Variants in GCA observed in about 807,000 individuals in gnomAD.
GCA encodes grancalcin, EF-hand calcium-binding protein.
A neutral mutation model predicts 32.6 loss-of-function variants in GCA; 30 were observed. The ratio of observed to expected loss-of-function variants is 0.92; its 90% CI spans 0.69 to 1.25. The LOEUF is 1.25. GCA is among the 50% of genes most tolerant of loss of function. The pLI, the probability that GCA is intolerant of heterozygous loss-of-function variation, is 0.00. For synonymous variants in GCA, 102 were observed against 84.6 expected (o/e 1.21, Z -1.13); for missense variants, 291 against 266.8 (o/e 1.09, Z -0.63).
At chr2:162,322,359 G>A (rs1041610847) in intron 1 of GCA, among the ~76,000 whole-genome samples, 2 of 151,120 alleles carry the variant, frequency 1.3e-5, no homozygotes, top group Non-Finnish European at 2.9e-5. Flanking sequence ...TTACCTCAAA[G>A]GCTAGATTGT....
intron 4 of GCA, among the ~76,000 whole-genome samples, chr2:162,368,292 A>G (rs1425543370): frequency 2.1e-5 from 3 of 139,710 alleles, no homozygotes; most frequent in African/African-American, 6.6e-5. Context: ...ATTTTTTGAT[A>G]ACATAAAAAT....
intron 2 of GCA, among the ~76,000 whole-genome samples, chr2:162,351,351 T>A (rs1010684720): frequency 6.6e-6 from 1 of 152,230 alleles, no homozygotes; most frequent in South Asian, 2.1e-4. Context: ...CATTTTAAAA[T>A]CTTGCTGCCT....
chr2:162,335,506 G>A (rs528415074), intron 1 of GCA, among the ~76,000 whole-genome samples: 2 of 152,240 alleles, frequency 1.3e-5, no homozygotes, highest in African/African-American at 4.8e-5. Flanking sequence ...TTAAGGGTTG[G>A]GAGGGGGCAT....
At chr2:162,330,045 G>C (rs1291564851) in intron 1 of GCA, among the ~76,000 whole-genome samples, 1 of 152,100 alleles carries the variant, frequency 6.6e-6, no homozygotes, top group Non-Finnish European at 1.5e-5. Flanking sequence ...TGGTATATAT[G>C]TACTATATTT....
chr2:162,362,030 A>G lies in GCA; in HGVS notation c.*1787A>G, dbSNP rs1490825070. On this transcript the variant is annotated 3_prime_UTR_variant, in exon 8 of 8. Transcript: ENST00000437150. ...TATTCATGTAAGCTTCTGCCAGGTGACACTCTATATTAGAACTCTTTAACA... is the reference window on the plus strand; with the variant it reads ...TATTCATGTAAGCTTCTGCCAGGTGGCACTCTATATTAGAACTCTTTAACA... 4.1e-6 allele frequency: 4 copies of G among 983,558 alleles called. No individual in the cohort carries two copies. The highest frequency in any genetic ancestry group is 4.8e-6 in the Non-Finnish European group (4 of 828,560). 60.9% of individuals were successfully genotyped at this position (983,558 alleles called of 1,614,324 possible).
At chr2:162,346,003 A>G (rs929573203) in intron 1 of GCA, among the ~76,000 whole-genome samples, 5 of 152,168 alleles carry the variant, frequency 3.3e-5, no homozygotes, top group Non-Finnish European at 5.9e-5. Context: ...TGCATTTCCA[A>G]TAGATTTTTA....
intron 1 of GCA, among the ~76,000 whole-genome samples, chr2:162,345,804 C>T (rs1377448773): frequency 6.6e-6 from 1 of 152,138 alleles, no homozygotes; most frequent in Non-Finnish European, 1.5e-5. Flanking sequence ...ATAAAACTTA[C>T]ATGATTTCTT....
At chr2:162,352,463 T>G in intron 3 of GCA, 56 bp downstream of exon 3, 1 of 1,045,522 alleles carries the variant, frequency 9.6e-7, no homozygotes, top group Non-Finnish European at 1.5e-6. Context: ...ATTTTCTTAC[T>G]TTTTTTGTCC....
At chr2:162,352,844 C>T (rs1685071075) in intron 3 of GCA, among the ~76,000 whole-genome samples, 1 of 152,112 alleles carries the variant, frequency 6.6e-6, no homozygotes, top group African/African-American at 2.4e-5. Flanking sequence ...TATATAGTAA[C>T]TTTTGTTAGG....
intron 2 of GCA, among the ~76,000 whole-genome samples, chr2:162,350,805 G>T (rs76502311): frequency 0.022 from 3,394 of 152,160 alleles, 133 homozygotes; most frequent in African/African-American, 0.077. Context: ...TTCCCTACTT[G>T]ACAGGTAGAT....
intron 3 of GCA, among the ~76,000 whole-genome samples, chr2:162,355,446 G>A (rs1368281433): frequency 3.3e-5 from 5 of 152,000 alleles, no homozygotes; most frequent in African/African-American, 1.2e-4. Flanking sequence ...ATGTTAAGAT[G>A]TTATGGATAA....
intron 1 of GCA, among the ~76,000 whole-genome samples, chr2:162,319,724 G>A (rs1266179748): frequency 6.6e-6 from 1 of 152,172 alleles, no homozygotes; most frequent in Non-Finnish European, 1.5e-5. Flanking sequence ...GTGGGTGGTA[G>A]GCACATACGC....
At chr2:162,352,553 A>T (rs979690954) in intron 3 of GCA, 146 bp downstream of exon 3, 2 of 591,936 alleles carry the variant, frequency 3.4e-6, no homozygotes, top group Admixed American at 6.3e-5. Flanking sequence ...AAAACTCGTT[A>T]TGAAAATAAC....
upstream of GCA, among the ~76,000 whole-genome samples, chr2:162,343,792 C>T (rs906389842): frequency 6.6e-6 from 1 of 152,170 alleles, no homozygotes; most frequent in African/African-American, 2.4e-5. Flanking sequence ...ACAGACTTGC[C>T]GGTTTGGGGT....
downstream of GCA, among the ~76,000 whole-genome samples, chr2:162,367,820 G>C (rs1008757954): frequency 5.3e-5 from 8 of 151,924 alleles, no homozygotes; most frequent in Non-Finnish European, 1.2e-4. Context: ...TATATGCCAG[G>C]CACTTTACTA....
intron 1 of GCA, among the ~76,000 whole-genome samples, chr2:162,326,085 C>T (rs1191767832): frequency 6.6e-6 from 1 of 152,054 alleles, no homozygotes; most frequent in Non-Finnish European, 1.5e-5. Context: ...GCTGGGTGTG[C>T]CTCTGAGACT....
At chr2:162,344,579 T>G in intron 1 of GCA, 2 of 478,954 alleles carry the variant, frequency 4.2e-6, no homozygotes, top group East Asian at 3.4e-5. Context: ...CCTCTTCTTG[T>G]TCCAGTAATC....
downstream of GCA, among the ~76,000 whole-genome samples, chr2:162,367,924 G>A (rs1685808339): frequency 6.6e-6 from 1 of 151,994 alleles, no homozygotes; most frequent in African/African-American, 2.4e-5. Flanking sequence ...AGGTTAACTT[G>A]CTCAAGGTCA....
intron 3 of GCA, among the ~76,000 whole-genome samples, chr2:162,355,711 A>T (rs543742366): frequency 4.0e-4 from 60 of 151,834 alleles, no homozygotes; most frequent in Non-Finnish European, 4.9e-4. Context: ...CCTGGTTTTA[A>T]GATAGCTTGT....
Sources: allele counts gnomAD v4.1 joint callset (sites outside exome capture counted in the v4.1 genomes callset), GRCh38; gene constraint gnomAD v4.1.1; transcripts MANE v1.5; gene names NCBI Gene and HGNC (gene_info 2026-07-23, HGNC 2026-07-21).